The following LGR6 variants were observed in gnomAD, a reference collection of about 807,000 sequenced individuals.
The protein encoded by LGR6 is leucine-rich repeat-containing G protein-coupled receptor 6.
Under a neutral mutation model 69.4 loss-of-function variants are expected in LGR6, and 45 were observed. The ratio of observed to expected loss-of-function variants is 0.65; its 90% CI spans 0.51 to 0.83. LGR6 has a LOEUF of 0.83. Among genes scored for constraint, LGR6 ranks in the 40% least tolerant of loss-of-function variants. The pLI is 0.00. For missense variants in LGR6, 1,108 were observed against 1,246.7 expected, an observed-to-expected ratio of 0.89 and a Z score of 1.68; for synonymous variants, 538 against 555.0, an observed-to-expected ratio of 0.97 and a Z score of 0.43.
chr1:202,307,225 A>T, intron 13 of LGR6, 105 bp from the exon 14 acceptor site: 1 of 1,099,976 alleles, frequency 9.1e-7, no homozygotes, highest in Non-Finnish European at 1.4e-6. Context: ...GGTTACTGTT[A>T]CTGGGGGCAG....
chr1:202,245,770 G>A (rs1223013437), intron 4 of LGR6, among the ~76,000 whole-genome samples: 1 of 152,044 alleles, frequency 6.6e-6, no homozygotes, highest in Non-Finnish European at 1.5e-5. Flanking sequence ...ACAGAGGCAG[G>A]CTTTCTCCTC....
At chr1:202,303,162 A>C in intron 9 of LGR6, 117 bp from the exon 10 acceptor site, 1 of 785,080 alleles carries the variant, frequency 1.3e-6, no homozygotes, top group Admixed American at 1.8e-5. Flanking sequence ...ATTGCAGGGA[A>C]GCATGACATT....
intron 1 of LGR6, among the ~76,000 whole-genome samples, chr1:202,204,169 C>T (rs777687043): frequency 6.7e-6 from 1 of 150,098 alleles, no homozygotes; most frequent in Non-Finnish European, 1.5e-5. Flanking sequence ...GATCTGTGCT[C>T]GTGGTTCCTT....
chr1:202,311,253 C>T (rs529040200), intron 16 of LGR6, among the ~76,000 whole-genome samples: 1 of 152,304 alleles, frequency 6.6e-6, no homozygotes, highest in South Asian at 2.1e-4. Flanking sequence ...AAAAACATCT[C>T]ATTACAGCGT....
intron 5 of LGR6, among the ~76,000 whole-genome samples, chr1:202,280,454 C>T (rs549710223): frequency 3.7e-4 from 56 of 152,284 alleles, no homozygotes; most frequent in African/African-American, 1.3e-3. Context: ...ATAGAAGAAG[C>T]CTCAGACTTG....
chr1:202,245,601 GC>G (rs1366550175), intron 4 of LGR6, among the ~76,000 whole-genome samples: 1 of 152,118 alleles, frequency 6.6e-6, no homozygotes, highest in Non-Finnish European at 1.5e-5. Context: ...GGCCACTCCT[GC>G]CCTCTGCGCC....
At chr1:202,242,957 C>G (rs1662338284) in intron 4 of LGR6, among the ~76,000 whole-genome samples, 1 of 152,232 alleles carries the variant, frequency 6.6e-6, no homozygotes, top group African/African-American at 2.4e-5. Flanking sequence ...CAGTACTCTT[C>G]TGGGATGGCT....
chr1:202,280,882 T>C, intron 6 of LGR6, 30 bp downstream of exon 6: 1 of 1,593,250 alleles, frequency 6.3e-7, no homozygotes, highest in South Asian at 1.1e-5. Flanking sequence ...TCAAACTCTG[T>C]CCTGCCTGGT....
intron 6 of LGR6, among the ~76,000 whole-genome samples, chr1:202,297,278 TC>T (rs1486033618): frequency 6.6e-6 from 1 of 152,154 alleles, no homozygotes; most frequent in African/African-American, 2.4e-5. Flanking sequence ...GAAGTATGTC[TC>T]CCCCCTCAGA....
At chr1:202,205,467 C>CACACACACACCTA (rs1659163193) in intron 1 of LGR6, among the ~76,000 whole-genome samples, 1 of 19,336 alleles carries the variant, frequency 5.2e-5, no homozygotes. Context: ...CCTCCAAACA[C>CACACACACACCTA]ACACACACCT....
chr1:202,277,035 T>C lies in LGR6; in HGVS notation c.644+514T>C, dbSNP rs150292292. ...TGGGAGATAGCATCCCTGGCAGGAA[T>C]TGGGGACTGGGGTTAACTCTGCCTC... is the stretch of plus-strand genomic sequence containing the variant. On this transcript the variant is annotated intron_variant, in intron 5 of 17. Coordinates refer to ENST00000367278, the MANE Select transcript of LGR6 (RefSeq NM_001017403.2). Among the ~76,000 whole-genome samples, 285 of 152,168 alleles carry C rather than the reference T, an allele frequency of 1.9e-3. 1 individual carries two copies. The highest frequency in any genetic ancestry group is 6.4e-3 in the African/African-American group (264 of 41,514).
chr1:202,205,666 CTCAAACATACACACACACCTCCT>C (rs1170572056), intron 1 of LGR6, among the ~76,000 whole-genome samples: 98 of 141,094 alleles, frequency 6.9e-4, no homozygotes, highest in Admixed American at 4.2e-3. Flanking sequence ...GCACACCTCC[CTCAAACATACACACACACCTCCT>C]TCAAACATAC....
chr1:202,214,341 G>A (rs918463756), intron 1 of LGR6: 60 of 1,187,438 alleles, frequency 5.1e-5, no homozygotes, highest in Non-Finnish European at 6.1e-5. Flanking sequence ...GGCGCTACCC[G>A]GGCCGGCCCT....
At position 202,310,202 on chromosome 1, in the gene LGR6, T is replaced by G; in HGVS notation, c.1412T>G (p.Leu471Arg). The G allele has an allele frequency of 6.2e-7, 1 of 1,613,742 alleles. No homozygotes were observed. The highest frequency in any genetic ancestry group is 1.3e-5 in the African/African-American group (1 of 74,998). ...SKDSFPKLRI[L>R]EVPYAYQCCP... ...GCCTGCCTCTCCCCCACCAGGATCCTGGAGGTGCCTTATGCCTACCAGTGC... is the reference window on the plus strand; with the variant it reads ...GCCTGCCTCTCCCCCACCAGGATCCGGGAGGTGCCTTATGCCTACCAGTGC... The change falls in exon 16 of 18, where the codon CTG becomes CGG. Residue 471 changes from leucine to arginine, a missense_variant. Coordinates refer to ENST00000367278, the MANE Select transcript of LGR6 (RefSeq NM_001017403.2).
At chr1:202,210,733 T>A (rs571008352) in intron 1 of LGR6, 6 of 152,350 alleles carry the variant, frequency 3.9e-5, no homozygotes, top group Middle Eastern at 3.4e-3. Context: ...TGATTTTTTT[T>A]AAAGAAAACT....
At chr1:202,294,293 A>G (rs186496462) in intron 6 of LGR6, among the ~76,000 whole-genome samples, 22 of 152,384 alleles carry the variant, frequency 1.4e-4, no homozygotes, top group Non-Finnish European at 3.1e-4. Context: ...ATAAACAAAT[A>G]TATGTCAGGT....
chr1:202,306,969 G>A (rs1653270322), intron 13 of LGR6, 30 bp downstream of exon 13: 3 of 1,586,992 alleles, frequency 1.9e-6, no homozygotes, highest in South Asian at 2.2e-5. Context: ...GGTGGGCCAT[G>A]GAGGAGCCAC....
chr1:202,249,712 A>G (rs567398221), intron 4 of LGR6, among the ~76,000 whole-genome samples: 116 of 152,254 alleles, frequency 7.6e-4, no homozygotes, highest in South Asian at 5.6e-3. Context: ...CATCCAATCA[A>G]TCAAGTCCCA....
intron 1 of LGR6, among the ~76,000 whole-genome samples, chr1:202,204,661 AC>A (rs1659020220): frequency 2.5e-4 from 1 of 4,074 alleles, no homozygotes. Flanking sequence ...ACACCTCCAA[AC>A]ACACACACGC....
Sources: allele counts gnomAD v4.1 joint callset (sites outside exome capture counted in the v4.1 genomes callset), GRCh38; gene constraint gnomAD v4.1.1; transcripts MANE v1.5; gene names NCBI Gene and HGNC (gene_info 2026-07-23, HGNC 2026-07-21).